BICDL1: variants seen among roughly 807,000 people sequenced by gnomAD.
The protein encoded by BICDL1 is BICD family-like cargo adapter 1.
In BICDL1, 20 loss-of-function variants were observed where a neutral mutation model predicts 76.8. The ratio of observed to expected loss-of-function variants is 0.26; its 90% CI spans 0.18 to 0.38. BICDL1 has a LOEUF of 0.38. Among genes scored for constraint, BICDL1 ranks in the 10% least tolerant of loss-of-function variants. BICDL1 has a pLI of 1.00. For missense variants in BICDL1, 700 were observed against 798.6 expected (o/e 0.88, Z 1.49); for synonymous variants, 383 against 337.1 (o/e 1.14, Z -1.49).
chr12:120,072,385 C>T, intron 5 of BICDL1, 126 bp from the exon 6 acceptor site: 2 of 827,636 alleles, frequency 2.4e-6, no homozygotes, highest in Non-Finnish European at 3.8e-6. Flanking sequence ...AAACACAGAA[C>T]AAAAAACCCT....
intron 2 of BICDL1, among the ~76,000 whole-genome samples, chr12:120,054,362 G>C (rs1406452219): frequency 2.0e-5 from 3 of 152,108 alleles, no homozygotes; most frequent in African/African-American, 7.2e-5. Flanking sequence ...ACAGGCATGA[G>C]CCACCTGGCC....
At chr12:120,081,152 C>A in intron 8 of BICDL1, 135 bp downstream of exon 8, 2 of 675,032 alleles carry the variant, frequency 3.0e-6, no homozygotes, top group Non-Finnish European at 4.6e-6. Flanking sequence ...CCCACCCCCA[C>A]CCCCACCCCC....
In BICDL1 at chr12:120,064,885, G is replaced by A; in HGVS notation, c.909+6G>A. The A allele has an allele frequency of 1.3e-6, 2 of 1,599,646 alleles. No individual in the cohort carries two copies. The highest frequency in any genetic ancestry group is 1.7e-6 in the Non-Finnish European group (2 of 1,175,134). On this transcript the variant is annotated splice_donor_region_variant and intron_variant, in intron 4 of 9. Coordinates refer to ENST00000548673, the MANE Select transcript of BICDL1 (RefSeq NM_001367886.1). ...GCCATGACAAGGACCTACAGGTACT[G>A]GGGTAGAGAAGCTGTCCTGCAGGAC...
chr12:120,068,581 C>T (rs976817828), intron 4 of BICDL1, among the ~76,000 whole-genome samples: 5 of 152,310 alleles, frequency 3.3e-5, no homozygotes, highest in East Asian at 3.9e-4. Context: ...TTTGGGAAGC[C>T]GATATGGGCA....
rs753498748 is a variant in BICDL1 at position 119,998,718 on chromosome 12, A to C, written c.627A>C (p.Leu209=). ...VQELSEQNQR[L]LDQLSRASEV... ...AACTGTCGGAACAGAACCAAAGGCT[A>C]TTGGATCAGCTCAGCAGGGTGAGTC... Residue 209 remains leucine (L), a synonymous_variant, in exon 2 of 10, where the codon CTA becomes CTC. Transcript: ENST00000548673. The C allele has an allele frequency of 5.6e-6, 9 of 1,613,996 alleles. No individual in the cohort carries two copies.
chr12:119,993,785 T>G (rs1396242277), intron 1 of BICDL1, among the ~76,000 whole-genome samples: 1 of 152,022 alleles, frequency 6.6e-6, no homozygotes, highest in East Asian at 1.9e-4. Flanking sequence ...GCCTGGCTAA[T>G]TTTTGTATTT....
chr12:120,086,508 C>CCACT (rs375526972), intron 8 of BICDL1, among the ~76,000 whole-genome samples: 1,738 of 152,280 alleles, frequency 0.011, 20 homozygotes, highest in Non-Finnish European at 0.014. Context: ...TGGGTGGGGC[C>CCACT]CACTTCTTTC....
Position 120,089,404 on chromosome 12 carries a change from T to TGA in BICDL1, c.1584-546_1584-545dup, listed in dbSNP as rs1220524298. Among the ~76,000 whole-genome samples, 77 of 151,996 alleles carry TGA rather than the reference T, an allele frequency of 5.1e-4. 1 individual carries two copies. The highest frequency in any genetic ancestry group is 1.8e-3 in the African/African-American group (76 of 41,446). On this transcript the variant is annotated intron_variant, in intron 8 of 9. Transcript: ENST00000548673. ...TGTGTGTGTGTGGTGTGTGTGTGTG[T>TGA]GACGGAGTTCTGCTCTTTTTGCCCA...
intron 2 of BICDL1, among the ~76,000 whole-genome samples, chr12:120,025,679 C>T (rs1952284650): frequency 6.6e-6 from 1 of 152,092 alleles, no homozygotes; most frequent in African/African-American, 2.4e-5. Context: ...ATCAATTATA[C>T]ATCAGTAAAG....
At chr12:120,005,292 A>T (rs1428992491) in intron 2 of BICDL1, among the ~76,000 whole-genome samples, 1 of 152,132 alleles carries the variant, frequency 6.6e-6, no homozygotes, top group Non-Finnish European at 1.5e-5. Context: ...GTTTGGTGTT[A>T]ATTTTTTTTG....
In BICDL1 at chr12:120,049,279, A is replaced by T. The variant is rs186593044; in HGVS notation, c.646-12431A>T. On this transcript the variant is annotated intron_variant, in intron 2 of 9. Transcript: ENST00000548673. Reference sequence around the variant, plus strand: ...AAGCATGCCTAGGGAAAGAACAAGGATAAAGGGGACAGAGTTACAGGAGAT... The same window carrying T: ...AAGCATGCCTAGGGAAAGAACAAGGTTAAAGGGGACAGAGTTACAGGAGAT... Among the ~76,000 whole-genome samples the T allele has an allele frequency of 3.3e-5, 5 of 152,344 alleles. No individual in the cohort carries two copies. The East Asian group carries it at 9.6e-4, about 29-fold the overall frequency.
chr12:119,993,405 G>A (rs1340849307), intron 1 of BICDL1: 1 of 152,134 alleles, frequency 6.6e-6, no homozygotes. Context: ...AGTACTTGAT[G>A]CTACACTATT....
chr12:120,039,803 G>A (rs191211438), intron 2 of BICDL1, among the ~76,000 whole-genome samples: 2 of 152,230 alleles, frequency 1.3e-5, no homozygotes, highest in East Asian at 3.9e-4. Context: ...CACTTTCAGG[G>A]AGTGTCACCA....
intron 2 of BICDL1, among the ~76,000 whole-genome samples, chr12:120,037,925 C>A (rs1291412105): frequency 6.6e-6 from 1 of 152,200 alleles, no homozygotes; most frequent in Admixed American, 6.5e-5. Flanking sequence ...TGGCAGGGAG[C>A]AAACTACTCT....
At chr12:120,065,343 A>C (rs1953197802) in intron 4 of BICDL1, among the ~76,000 whole-genome samples, 1 of 152,220 alleles carries the variant, frequency 6.6e-6, no homozygotes, top group Non-Finnish European at 1.5e-5. Flanking sequence ...AGCAAGATTT[A>C]TATGCTGCTT....
Position 119,989,774 on chromosome 12 carries a change from CGCG to C in BICDL1, c.-93_-91del. 1 of 472,438 alleles carries C rather than the reference CGCG, an allele frequency of 2.1e-6. No individual in the cohort carries two copies. The highest frequency in any genetic ancestry group is 2.7e-6 in the Non-Finnish European group (1 of 365,866). 29.3% of individuals were successfully genotyped at this position (472,438 alleles called of 1,614,324 possible). On this transcript the variant is annotated 5_prime_UTR_variant, in exon 1 of 10. Transcript: ENST00000548673. ...GCGCGTGCCGCGGCGCGAGGCGAGG[CGCG>C]GGACGCGGGGCGGCGCGGCAGGGCC...
chr12:120,033,684 G>A (rs182259642), intron 2 of BICDL1, among the ~76,000 whole-genome samples: 1 of 152,194 alleles, frequency 6.6e-6, no homozygotes, highest in Non-Finnish European at 1.5e-5. Flanking sequence ...ACTGCGGCCG[G>A]CTGAGAGTTC....
Position 120,080,921 on chromosome 12 carries a change from A to AAGAGGAGAG in BICDL1, c.1491_1499dup (p.Glu497_Arg499dup). On this transcript the variant is annotated inframe_insertion, in exon 8 of 10. Transcript: ENST00000548673. ...CTGAGTGTGGAGATGACTGCCCTAA[A>AAGAGGAGAG]AGAGGAGAGAGACCGACTCAGAGTC... is the stretch of plus-strand genomic sequence containing the variant. 6.2e-7 allele frequency: 1 copy of AAGAGGAGAG among 1,613,574 alleles called. No individual in the cohort carries two copies. Among genetic ancestry groups the AAGAGGAGAG allele is most frequent in the South Asian group, 1.1e-5 (1 of 91,062 alleles).
intron 4 of BICDL1, among the ~76,000 whole-genome samples, chr12:120,068,312 C>T (rs922751262): frequency 1.4e-4 from 21 of 152,224 alleles, no homozygotes; most frequent in Admixed American, 1.2e-3. Context: ...CCAAGAAGTT[C>T]TCCCCCACAC....
Sources: allele counts gnomAD v4.1 joint callset (sites outside exome capture counted in the v4.1 genomes callset), GRCh38; gene constraint gnomAD v4.1.1; transcripts MANE v1.5; gene names NCBI Gene and HGNC (gene_info 2026-07-23, HGNC 2026-07-21).